The following LMBR1 variants were observed in gnomAD, a reference collection of about 807,000 sequenced individuals.
LMBR1 encodes limb region 1 protein homolog.
A neutral mutation model predicts 73.9 loss-of-function variants in LMBR1; 52 were observed. The observed-to-expected ratio is 0.70, with a 90% CI of 0.56 to 0.89. The LOEUF (loss-of-function observed/expected upper bound fraction) is 0.89, where lower values mean the gene tolerates loss of function less well. LMBR1 is among the 40% of genes least tolerant of loss of function. The pLI is 0.00. For missense variants in LMBR1, 539 were observed against 579.8 expected (o/e 0.93, Z 0.72); for synonymous variants, 215 against 209.4 (o/e 1.03, Z -0.23).
Position 156,688,452 on chromosome 7 carries a change from C to T in LMBR1, c.1226-261G>A, listed in dbSNP as rs116916321. 9.0e-3 allele frequency among the ~76,000 whole-genome samples: 1,369 copies of T among 152,228 alleles called. 14 individuals carry two copies. The highest frequency in any genetic ancestry group is 0.031 in the Middle Eastern group (9 of 294). On this transcript the variant is annotated intron_variant, in intron 15 of 16. Coordinates refer to ENST00000353442, the MANE Select transcript of LMBR1 (RefSeq NM_022458.4). ...TGAGGTCAGAATGAACGCCCCTCGA[C>T]ATTCGACGGAACTCATGCTGATGTT...
At chr7:156,748,302 A>C (rs12535282) in intron 9 of LMBR1, among the ~76,000 whole-genome samples, 6,380 of 152,278 alleles carry the variant, frequency 0.042, 181 homozygotes, top group Non-Finnish European at 0.049. Flanking sequence ...AGGTACAATT[A>C]AAACAATGGT....
chr7:156,675,922 G>A, downstream of LMBR1: 9 of 1,553,542 alleles, frequency 5.8e-6, no homozygotes. Context: ...AGAGGCTGTG[G>A]GGAGTGGCAT....
chr7:156,848,028 G>A lies in LMBR1; in HGVS notation c.67-11143C>T, dbSNP rs114423383. Among the ~76,000 whole-genome samples the A allele has an allele frequency of 9.1e-4, 137 of 150,446 alleles. 1 individual carries two copies. The highest frequency in any genetic ancestry group is 3.4e-3 in the Middle Eastern group (1 of 294). ...GAAGGAATCAAGATATCCTTCAATA[G>A]GTAAATAACTAAAATGTAGAAGATC... On this transcript the variant is annotated intron_variant, in intron 1 of 16. Transcript: ENST00000353442.
chr7:156,777,781 T>C (rs1021722091), intron 5 of LMBR1, among the ~76,000 whole-genome samples: 5 of 152,238 alleles, frequency 3.3e-5, no homozygotes, highest in African/African-American at 1.2e-4. Flanking sequence ...CTCATCATTT[T>C]ATTCTCTATC....
chr7:156,785,260 G>C (rs1247709324), intron 5 of LMBR1, among the ~76,000 whole-genome samples: 2 of 152,078 alleles, frequency 1.3e-5, no homozygotes, highest in Admixed American at 6.5e-5. Context: ...CTGGATGACA[G>C]AGCAAGACTC....
In LMBR1 at chr7:156,874,067, C is replaced by T. The variant is rs184516338; in HGVS notation, c.66+18861G>A. ...CCGTGGAGCAGGGGGTGGTGCTCGT[C>T]GGGGAGGCTCAGGCCGCACAGGAGC... On this transcript the variant is annotated intron_variant, in intron 1 of 16. Coordinates refer to ENST00000353442, the MANE Select transcript of LMBR1 (RefSeq NM_022458.4). 1.6e-3 allele frequency among the ~76,000 whole-genome samples: 250 copies of T among 152,356 alleles called. 2 individuals carry two copies. Among genetic ancestry groups the T allele is most frequent in the African/African-American group, 5.3e-3 (221 of 41,590 alleles).
chr7:156,877,801 T>G (rs1174112326), intron 1 of LMBR1, among the ~76,000 whole-genome samples: 2 of 150,158 alleles, frequency 1.3e-5, no homozygotes, highest in African/African-American at 2.5e-5. Context: ...GAGAATGGCG[T>G]GAACCCGGGA....
At chr7:156,869,821 T>C (rs1799001933) in intron 1 of LMBR1, among the ~76,000 whole-genome samples, 1 of 152,016 alleles carries the variant, frequency 6.6e-6, no homozygotes, top group Non-Finnish European at 1.5e-5. Context: ...TCCATGCAAA[T>C]AGTAATCAAG....
intron 3 of LMBR1, among the ~76,000 whole-genome samples, chr7:156,832,127 A>C (rs538952425): frequency 1.6e-4 from 24 of 152,360 alleles, no homozygotes; most frequent in African/African-American, 5.8e-4. Flanking sequence ...CCTAGGTTTT[A>C]AAGTGAGAGT....
chr7:156,889,798 G>A (rs1276992027), intron 1 of LMBR1, among the ~76,000 whole-genome samples: 2 of 152,130 alleles, frequency 1.3e-5, no homozygotes, highest in Non-Finnish European at 2.9e-5. Flanking sequence ...AGACAGGTCT[G>A]GGCAACACGG....
rs545018101 is a variant in LMBR1, at chr7:156,816,981, C to G, written c.319+9624G>C. Among the ~76,000 whole-genome samples, 9 of 152,140 alleles carry G rather than the reference C, an allele frequency of 5.9e-5. No individual in the cohort carries two copies. In the East Asian group the frequency reaches 1.3e-3, roughly 23 times the overall value. On this transcript the variant is annotated intron_variant, in intron 4 of 16. Coordinates refer to ENST00000353442, the MANE Select transcript of LMBR1 (RefSeq NM_022458.4). ...TTTAGAAAGGTAAAATTACATATTT[C>G]CATATAGTAGTCAAACCCTAAAAAA...
chr7:156,782,183 T>C (rs1250251987), intron 5 of LMBR1, among the ~76,000 whole-genome samples: 2 of 152,248 alleles, frequency 1.3e-5, no homozygotes, highest in African/African-American at 4.8e-5. Flanking sequence ...TACTTCATTG[T>C]ATGGATATAT....
At chr7:156,820,077 C>T (rs1246619972) in intron 4 of LMBR1, among the ~76,000 whole-genome samples, 2 of 152,180 alleles carry the variant, frequency 1.3e-5, no homozygotes, top group Non-Finnish European at 2.9e-5. Flanking sequence ...CACCCCCATT[C>T]GATTCTTATC....
intron 1 of LMBR1, among the ~76,000 whole-genome samples, chr7:156,843,835 C>CAAAAAAAAA (rs11288663): frequency 8.3e-6 from 1 of 120,918 alleles, no homozygotes. Flanking sequence ...GACCCTGTCT[C>CAAAAAAAAA]AAAAAAAAAA....
chr7:156,835,870 C>A (rs1174306364), intron 2 of LMBR1, among the ~76,000 whole-genome samples: 1 of 152,196 alleles, frequency 6.6e-6, no homozygotes, highest in Admixed American at 6.5e-5. Context: ...ACTCACCAAC[C>A]TCTAATTTCA....
At chr7:156,705,088 G>C (rs1810640912) in intron 15 of LMBR1, among the ~76,000 whole-genome samples, 1 of 152,290 alleles carries the variant, frequency 6.6e-6, no homozygotes, top group South Asian at 2.1e-4. Flanking sequence ...AGGAGGTCCA[G>C]TGGTCCATGA....
rs572450852 is a variant in LMBR1, at chr7:156,827,685, T to C, written c.180-941A>G. Among the ~76,000 whole-genome samples, 37 of 151,904 alleles carry C rather than the reference T, an allele frequency of 2.4e-4. No individual in the cohort carries two copies. In the Middle Eastern group the frequency reaches 0.014, roughly 56 times the overall value. On this transcript the variant is annotated intron_variant, in intron 3 of 16. Transcript: ENST00000353442. Reference sequence around the variant, plus strand: ...TATTAAAGTTAATATTGGAAGAAAGTAAAAATAAATATAAGAAAATATTTT... The same window carrying C: ...TATTAAAGTTAATATTGGAAGAAAGCAAAAATAAATATAAGAAAATATTTT...
rs1035725030 is a variant in LMBR1, at chr7:156,685,276, T to G, written c.1388-1113A>C. 1.3e-5 allele frequency among the ~76,000 whole-genome samples: 2 copies of G among 152,224 alleles called. No homozygotes were observed. Among genetic ancestry groups the G allele is most frequent in the African/African-American group, 4.8e-5 (2 of 41,452 alleles). Reference sequence around the variant, plus strand: ...CAGGGAGAAAGGGCAGAAGAAAATGTAAGAGCTTCTGTGGCACTGGAGCGT... The same window carrying G: ...CAGGGAGAAAGGGCAGAAGAAAATGGAAGAGCTTCTGTGGCACTGGAGCGT... On this transcript the variant is annotated intron_variant, in intron 16 of 16. Coordinates refer to ENST00000353442, the MANE Select transcript of LMBR1 (RefSeq NM_022458.4). The surrounding 1 kb of genome is among the most constrained non-coding windows in gnomAD (Gnocchi z 4.1).
intron 1 of LMBR1, among the ~76,000 whole-genome samples, chr7:156,884,572 A>G (rs1801591865): frequency 6.6e-6 from 1 of 152,208 alleles, no homozygotes; most frequent in African/African-American, 2.4e-5. Flanking sequence ...TCCTAACAGC[A>G]CCCCATACAG....
Sources: gnomAD v4.1 joint callset for allele counts (sites outside exome capture counted in the v4.1 genomes callset) on GRCh38, gnomAD v4.1.1 for gene constraint, Gnocchi (gnomAD v3.1) non-coding constraint, MANE v1.5 for transcripts, NCBI Gene and HGNC (gene_info 2026-07-23, HGNC 2026-07-21) for gene names.